The following CIT variants were observed in gnomAD, a reference collection of about 807,000 sequenced individuals.
The protein encoded by CIT is citron Rho-interacting kinase.
Under a neutral mutation model 272.7 loss-of-function variants are expected in CIT, and 79 were observed. The observed-to-expected ratio is 0.29, with a 90% CI of 0.24 to 0.35. CIT has a LOEUF of 0.35. CIT is among the 10% of genes least tolerant of loss of function. The probability of loss-of-function intolerance (pLI) is 1.00; values close to 1 mark genes in which losing one functional copy is unlikely to be tolerated. For synonymous variants in CIT, 948 were observed against 995.6 expected, an observed-to-expected ratio of 0.95 and a Z score of 0.90; for missense variants, 1,909 against 2,618.3, an observed-to-expected ratio of 0.73 and a Z score of 5.91.
intron 13 of CIT, among the ~76,000 whole-genome samples, chr12:119,778,596 A>G (rs1593708566): frequency 6.6e-6 from 1 of 152,172 alleles, no homozygotes; most frequent in East Asian, 1.9e-4. Context: ...CAATTTTTGA[A>G]TAACAGGGTA....
rs3999547 is a variant in CIT at position 119,726,385 on chromosome 12, A to ATTTTTTTTTTTT, written c.3591+2105_3591+2116dup. Among the ~76,000 whole-genome samples, 6 of 101,418 alleles carry ATTTTTTTTTTTT rather than the reference A, an allele frequency of 5.9e-5. 1 individual carries two copies. The highest frequency in any genetic ancestry group is 3.8e-5 in the Non-Finnish European group (2 of 52,992). 66.5% of individuals were successfully genotyped at this position (101,418 alleles called of 152,430 possible). On this transcript the variant is annotated intron_variant, in intron 28 of 47. Transcript: ENST00000392521. ...AACTGCACACCACCACACTTGGCTA[A>ATTTTTTTTTTTT]TTTTTTTTTTTTTTTTTTTTTTTTT... is the stretch of plus-strand genomic sequence containing the variant.
At chr12:119,846,348 A>T (rs1969802684) in intron 5 of CIT, among the ~76,000 whole-genome samples, 1 of 152,198 alleles carries the variant, frequency 6.6e-6, no homozygotes, top group South Asian at 2.1e-4. Flanking sequence ...TGAAAATCCC[A>T]AAGCATTTCA....
At chr12:119,825,416 C>A in intron 7 of CIT, 48 bp from the exon 8 acceptor site, 1 of 1,542,358 alleles carries the variant, frequency 6.5e-7, no homozygotes, top group Admixed American at 1.7e-5. Flanking sequence ...CAATTATCCT[C>A]AAGTAGACTG....
Position 119,710,327 on chromosome 12 carries a change from T to A in CIT, c.4995A>T (p.Leu1665=), listed in dbSNP as rs765918922. The change falls in exon 39 of 48, where the codon CTA becomes CTT. Residue 1665 remains leucine (L), a synonymous_variant. Coordinates refer to ENST00000392521, the MANE Select transcript of CIT (RefSeq NM_001206999.2). This position sits in a 1 kb window ranked among gnomAD's most constrained non-coding sequence, Gnocchi z 5.6. ...CTGCTCCAATTCCTGGGACATGGGT[T>A]AGGGAGTTTTTCAAGACATTCAGGG... ...LYALNVLKNS[L]THVPGIGAVF... 9 of 1,614,182 alleles carry A rather than the reference T, an allele frequency of 5.6e-6. No homozygotes were observed. The East Asian group carries it at 2.0e-4, about 36-fold the overall frequency.
chr12:119,816,006 C>T (rs1283620511), intron 9 of CIT, among the ~76,000 whole-genome samples: 2 of 152,164 alleles, frequency 1.3e-5, no homozygotes, highest in East Asian at 1.9e-4. Context: ...CTGCCAACTT[C>T]GGGCTCCATG....
intron 4 of CIT, among the ~76,000 whole-genome samples, chr12:119,854,567 C>A (rs979080773): frequency 6.6e-6 from 1 of 151,996 alleles, no homozygotes; most frequent in South Asian, 2.1e-4. Flanking sequence ...CACTTGAACC[C>A]AGGAGGCAGA....
chr12:119,691,295 A>C (rs549665133), intron 46 of CIT, among the ~76,000 whole-genome samples: 37 of 152,058 alleles, frequency 2.4e-4, no homozygotes, highest in Non-Finnish European at 4.6e-4. Context: ...AGGTCAGCCT[A>C]CTAAGACCCA....
chr12:119,750,006 T>C (rs1334916465), intron 23 of CIT, among the ~76,000 whole-genome samples: 1 of 152,122 alleles, frequency 6.6e-6, no homozygotes, highest in East Asian at 1.9e-4. Flanking sequence ...TCTCGGCTGC[T>C]CTGAAATAAA....
intron 9 of CIT, among the ~76,000 whole-genome samples, chr12:119,807,263 A>C (rs1011820482): frequency 1.3e-5 from 2 of 152,252 alleles, no homozygotes; most frequent in Non-Finnish European, 2.9e-5. Flanking sequence ...CAGAATGAGA[A>C]GATCCAATAT....
intron 10 of CIT, among the ~76,000 whole-genome samples, chr12:119,795,725 T>C (rs988134631): frequency 1.3e-5 from 2 of 152,236 alleles, no homozygotes; most frequent in African/African-American, 2.4e-5. Context: ...GATGTGTTTC[T>C]ACCTTCAGAA....
intron 4 of CIT, among the ~76,000 whole-genome samples, chr12:119,853,922 C>T (rs1489684935): frequency 6.6e-6 from 1 of 152,176 alleles, no homozygotes; most frequent in Admixed American, 6.5e-5. Flanking sequence ...AGGGGTGGCT[C>T]ATGCCTGTAA....
chr12:119,783,946 G>A lies in CIT; in HGVS notation c.1507C>T (p.Leu503=). 1 of 1,611,550 alleles carries A rather than the reference G, an allele frequency of 6.2e-7. No homozygotes were observed. The highest frequency in any genetic ancestry group is 8.5e-7 in the Non-Finnish European group (1 of 1,178,698). The change falls in exon 12 of 48, where the codon CTG becomes TTG. Residue 503 remains leucine (L), a synonymous_variant. Coordinates refer to ENST00000392521, the MANE Select transcript of CIT (RefSeq NM_001206999.2). ...LKASETQRSL[L]EQDLATYITE... is the part of the protein sequence containing the mutation. ...ATGTAGGTAGCAAGGTCCTGCTCCA[G>A]GAGGGATCTCTGAGTCTCAGAGGCC...
chr12:119,700,010 T>C, intron 44 of CIT: 1 of 433,338 alleles, frequency 2.3e-6, no homozygotes, highest in Non-Finnish European at 4.7e-6. Context: ...AAAAGATTAG[T>C]ACAAGGATGT....
At chr12:119,788,296 G>A (rs1244858578) in intron 10 of CIT, among the ~76,000 whole-genome samples, 1 of 152,138 alleles carries the variant, frequency 6.6e-6, no homozygotes, top group African/African-American at 2.4e-5. Flanking sequence ...ATGGCCTTGA[G>A]CAAAATTCCT....
At chr12:119,724,635 T>C (rs1957984119) in intron 28 of CIT, among the ~76,000 whole-genome samples, 1 of 152,000 alleles carries the variant, frequency 6.6e-6, no homozygotes, top group Non-Finnish European at 1.5e-5. Flanking sequence ...AATGAACAGA[T>C]AGTGGCTATA....
chr12:119,742,817 G>A (rs1319599408), intron 23 of CIT: 1 of 184,008 alleles, frequency 5.4e-6, no homozygotes, highest in Non-Finnish European at 1.1e-5. Flanking sequence ...CTGAAAAGAT[G>A]AGTATTTTCC....
In CIT at chr12:119,822,810, C is replaced by T. The variant is rs764096662; in HGVS notation, c.1111+10G>A. 1 of 1,613,686 alleles carries T rather than the reference C, an allele frequency of 6.2e-7. No homozygotes were observed. The highest frequency in any genetic ancestry group is 8.5e-7 in the Non-Finnish European group (1 of 1,179,866). On this transcript the variant is annotated intron_variant, in intron 9 of 47. Transcript: ENST00000392521. Reference sequence around the variant, plus strand: ...CAACATCCCAAATTAAGGAAAACAGCCCTACTTACAGTTACGAATGTTGTT... The same window carrying T: ...CAACATCCCAAATTAAGGAAAACAGTCCTACTTACAGTTACGAATGTTGTT...
intron 18 of CIT, among the ~76,000 whole-genome samples, chr12:119,769,023 C>T (rs376541393): frequency 9.3e-5 from 14 of 151,274 alleles, no homozygotes; most frequent in African/African-American, 2.9e-4. Context: ...TACACTCGGA[C>T]GAAGAAATCC....
intron 44 of CIT, among the ~76,000 whole-genome samples, chr12:119,698,607 A>T (rs1045801526): frequency 2.6e-4 from 36 of 139,006 alleles, no homozygotes; most frequent in African/African-American, 8.9e-4. Context: ...AAAAAAAAAA[A>T]TTATAATACA....
Sources: allele counts gnomAD v4.1 joint callset (sites outside exome capture counted in the v4.1 genomes callset), GRCh38; gene constraint gnomAD v4.1.1; non-coding constraint Gnocchi (gnomAD v3.1); transcripts MANE v1.5; gene names NCBI Gene and HGNC (gene_info 2026-07-23, HGNC 2026-07-21).